Variants in ERLIN1 observed in about 807,000 individuals in gnomAD.
ERLIN1 encodes ER lipid raft associated 1.
Under a neutral mutation model 46.9 loss-of-function variants are expected in ERLIN1, and 24 were observed. That is an observed-to-expected ratio of 0.51 (90% CI 0.37 to 0.72). The LOEUF (loss-of-function observed/expected upper bound fraction) is 0.72, where lower values mean the gene tolerates loss of function less well. Among genes scored for constraint, ERLIN1 ranks in the 30% least tolerant of loss-of-function variants. ERLIN1 has a pLI of 0.00. For missense variants in ERLIN1, 293 were observed against 417.9 expected, an observed-to-expected ratio of 0.70 and a Z score of 2.61; for synonymous variants, 158 against 143.2, an observed-to-expected ratio of 1.10 and a Z score of -0.74.
intron 2 of ERLIN1, among the ~76,000 whole-genome samples, chr10:100,180,133 T>C (rs1393142690): frequency 5.9e-5 from 9 of 152,236 alleles, no homozygotes; most frequent in Non-Finnish European, 1.3e-4. Flanking sequence ...TACTGCTTCC[T>C]CCTGGTGAAC....
chr10:100,164,192 T>A, intron 7 of ERLIN1, 97 bp from the exon 8 acceptor site: 2 of 735,522 alleles, frequency 2.7e-6, no homozygotes. Context: ...AACCGTTTTG[T>A]CAACATGAGC....
chr10:100,162,451 A>G (rs1171876870), intron 8 of ERLIN1, among the ~76,000 whole-genome samples: 2 of 152,230 alleles, frequency 1.3e-5, no homozygotes, highest in East Asian at 3.8e-4. Flanking sequence ...GATATCAAAT[A>G]TTGTTGAAGA....
At chr10:100,154,269 C>T (rs898716804) in intron 10 of ERLIN1, among the ~76,000 whole-genome samples, 1 of 152,182 alleles carries the variant, frequency 6.6e-6, no homozygotes, top group African/African-American at 2.4e-5. Context: ...CCTGCCTTCT[C>T]AAGTTATCCC....
Position 100,152,322 on chromosome 10 carries a change from T to C in ERLIN1, c.856A>G (p.Lys286Glu). The C allele has an allele frequency of 6.2e-7, 1 of 1,613,266 alleles. No individual in the cohort carries two copies. Among genetic ancestry groups the C allele is most frequent in the East Asian group, 2.2e-5 (1 of 44,888 alleles). Residue 286 changes from lysine (K) to glutamate (E), a missense_variant, in exon 11 of 11, where the codon AAA becomes GAA. This residue lies in a region of ERLIN1 where 69 missense variants were observed against 74.5 expected (regional missense o/e 0.93). Transcript: ENST00000421367. The stretch of plus-strand genomic sequence containing the variant: ...TTAGAAGCAATGGCCTGGTACTTTT[T>C]GAGCTCCAGATATTCCGGGGTCAAC... The part of the protein sequence containing the change: ...HKLTPEYLEL[K>E]KYQAIASNSK...
intron 2 of ERLIN1, among the ~76,000 whole-genome samples, chr10:100,183,242 T>C (rs916320779): frequency 4.6e-5 from 7 of 152,214 alleles, no homozygotes; most frequent in Admixed American, 3.9e-4. Flanking sequence ...TAGACACTTA[T>C]TTCAAATATC....
At chr10:100,171,336 G>C (rs1843982748) in intron 6 of ERLIN1, among the ~76,000 whole-genome samples, 1 of 152,136 alleles carries the variant, frequency 6.6e-6, no homozygotes, top group African/African-American at 2.4e-5. Flanking sequence ...ATATGAAAAA[G>C]TTTATTTTTA....
intron 6 of ERLIN1, among the ~76,000 whole-genome samples, chr10:100,170,743 T>C (rs7913034): frequency 0.072 from 10,937 of 152,100 alleles, 684 homozygotes; most frequent in African/African-American, 0.16. Context: ...CACTTCTAGA[T>C]TGGCTTGAGG....
At chr10:100,176,928 C>T (rs1397708520) in intron 4 of ERLIN1, among the ~76,000 whole-genome samples, 2 of 152,192 alleles carry the variant, frequency 1.3e-5, no homozygotes, top group South Asian at 2.1e-4. Context: ...TCAAGACCAG[C>T]CTGGCCAACA....
chr10:100,175,494 G>A (rs973254558), intron 5 of ERLIN1, among the ~76,000 whole-genome samples: 1 of 152,124 alleles, frequency 6.6e-6, no homozygotes, highest in African/African-American at 2.4e-5. Flanking sequence ...TTTGACTCTT[G>A]GAAGCCTGCA....
At chr10:100,152,923 T>A (rs1408140609) in intron 10 of ERLIN1, among the ~76,000 whole-genome samples, 2 of 152,002 alleles carry the variant, frequency 1.3e-5, no homozygotes, top group Non-Finnish European at 2.9e-5. Context: ...CAATTATAGC[T>A]CGCTGCTGCA....
rs75175966 is a variant in ERLIN1 at position 100,166,666 on chromosome 10, C to T, written c.563+682G>A. Among the ~76,000 whole-genome samples the T allele has an allele frequency of 4.9e-3, 753 of 152,246 alleles. 19 individuals are homozygous for T. In the East Asian group the frequency reaches 0.059, roughly 12 times the overall value. The stretch of plus-strand genomic sequence containing the variant: ...ATTTTTCCAGCGTCTTATACTTTCC[C>T]TTTTAACACATCAGCCAAATTTCCT... On this transcript the variant is annotated intron_variant, in intron 7 of 10. Coordinates refer to ENST00000421367, the MANE Select transcript of ERLIN1 (RefSeq NM_006459.4).
intron 6 of ERLIN1, among the ~76,000 whole-genome samples, chr10:100,169,800 A>T (rs1196543291): frequency 2.6e-5 from 4 of 152,140 alleles, no homozygotes; most frequent in Non-Finnish European, 4.4e-5. Flanking sequence ...GGAGGATTGC[A>T]TGAGGCCAGG....
rs1844938839 is a variant in ERLIN1 at position 100,185,801 on chromosome 10, C to G, written c.-175G>C. On this transcript the variant is annotated 5_prime_UTR_variant, in exon 1 of 11. Transcript: ENST00000421367. The stretch of plus-strand genomic sequence containing the variant: ...CCCTTCTGGCTGAGCCCGCTGACCC[C>G]TTGCCAACTCCTCCGCCCCCGGAGG... The G allele has an allele frequency of 1.7e-6, 1 of 599,144 alleles. No individual in the cohort carries two copies. The highest frequency in any genetic ancestry group is 3.0e-6 in the Non-Finnish European group (1 of 335,254). 37.1% of individuals were successfully genotyped at this position (599,144 alleles called of 1,614,324 possible). A position where few individuals can be genotyped will look rare whatever the true frequency, so the allele number is the denominator to read the frequency against.
intron 8 of ERLIN1, among the ~76,000 whole-genome samples, chr10:100,158,083 GGA>G (rs772108441): frequency 6.6e-6 from 1 of 152,182 alleles, no homozygotes; most frequent in Non-Finnish European, 1.5e-5. Flanking sequence ...AGACAAGAAG[GGA>G]GTGGGACCTG....
At chr10:100,177,724 G>A (rs965691557) in intron 4 of ERLIN1, among the ~76,000 whole-genome samples, 4 of 152,170 alleles carry the variant, frequency 2.6e-5, no homozygotes, top group Non-Finnish European at 4.4e-5. Flanking sequence ...CCACGTTGAA[G>A]GCTTTCAGAC....
At chr10:100,158,179 G>A (rs889172201) in intron 8 of ERLIN1, among the ~76,000 whole-genome samples, 2 of 152,120 alleles carry the variant, frequency 1.3e-5, no homozygotes, top group African/African-American at 4.8e-5. Flanking sequence ...CCTCTAGAGG[G>A]CTGCAACTCT....
In ERLIN1 at chr10:100,185,886, C is replaced by T. The variant is rs927806928; in HGVS notation, c.-260G>A. The T allele has an allele frequency of 3.1e-5, 16 of 518,262 alleles. No individual in the cohort carries two copies. The highest frequency in any genetic ancestry group is 2.7e-4 in the African/African-American group (14 of 51,484). 32.1% of individuals were successfully genotyped at this position (518,262 alleles called of 1,614,324 possible). A position where few individuals can be genotyped will look rare whatever the true frequency, so the allele number is the denominator to read the frequency against. On this transcript the variant is annotated 5_prime_UTR_variant, in exon 1 of 11. Transcript: ENST00000421367. Reference sequence around the variant, plus strand: ...AACTCCCTCTCCCAAGGGTCGCTCCCGGGTGGAAGGCACTAACTGAGAAGA... The same window carrying T: ...AACTCCCTCTCCCAAGGGTCGCTCCTGGGTGGAAGGCACTAACTGAGAAGA...
chr10:100,156,145 C>T lies in ERLIN1; in HGVS notation c.745G>A (p.Asp249Asn). Residue 249 changes from aspartate (D) to asparagine (N), a missense_variant and splice_region_variant, in exon 9 of 11, where the codon GAT becomes AAT. Physicochemically the swap from Asp to Asn is conservative, Grantham distance 23. Transcript: ENST00000421367. ...GCTTCATCCTCTCCCCACAATGTAC[C>T]TTCGATTTCAGAAATGCGCTTTTCA... is the stretch of plus-strand genomic sequence containing the variant. ...ETEKRISEIEDAAFLAREKAK... is the reference protein window; with the variant it reads ...ETEKRISEIENAAFLAREKAK... 2 of 1,606,950 alleles carry T rather than the reference C, an allele frequency of 1.2e-6. No homozygotes were observed. The highest frequency in any genetic ancestry group is 1.7e-6 in the Non-Finnish European group (2 of 1,174,368).
chr10:100,164,079 T>C lies in ERLIN1; in HGVS notation c.580A>G (p.Lys194Glu). Residue 194 changes from lysine (K) to glutamate (E), a missense_variant, in exon 8 of 11, where the codon AAA becomes GAA. By Grantham distance (56) the Lys-to-Glu change is moderately conservative (BLOSUM62 1). Coordinates refer to ENST00000421367, the MANE Select transcript of ERLIN1 (RefSeq NM_006459.4). ...NFELMEAEKTKLLIAAQKQKV... is the reference protein window; with the variant it reads ...NFELMEAEKTELLIAAQKQKV... ...TGTTTCTGTGCAGCTATAAGGAGTT[T>C]TGTCTTCTCAGCCTCCCTGTGAAGC... 3 of 1,612,744 alleles carry C rather than the reference T, an allele frequency of 1.9e-6. No individual in the cohort carries two copies. The highest frequency in any genetic ancestry group is 2.2e-5 in the East Asian group (1 of 44,854).
Sources: allele counts gnomAD v4.1 joint callset (sites outside exome capture counted in the v4.1 genomes callset), GRCh38; gene constraint gnomAD v4.1.1; regional missense constraint gnomAD v4.1.1; transcripts MANE v1.5; gene names NCBI Gene and HGNC (gene_info 2026-07-23, HGNC 2026-07-21).